The following ZCCHC7 variants were observed in gnomAD, a reference collection of about 807,000 sequenced individuals.
ZCCHC7 encodes the protein zinc finger CCHC-type containing 7.
ZCCHC7 carries 35 observed loss-of-function variants against 52.0 expected under a neutral mutation model. That is an observed-to-expected ratio of 0.67 (90% CI 0.51 to 0.89). The LOEUF (loss-of-function observed/expected upper bound fraction) is 0.89. Ranked by LOEUF, ZCCHC7 falls within the 40% of genes least tolerant of loss-of-function variation. The probability of loss-of-function intolerance (pLI) is 0.00; values close to 1 mark genes in which losing one functional copy is unlikely to be tolerated. For missense variants in ZCCHC7, 574 were observed against 649.1 expected (o/e 0.88, Z 1.26); for synonymous variants, 217 against 221.5 (o/e 0.98, Z 0.18).
intron 2 of ZCCHC7, among the ~76,000 whole-genome samples, chr9:37,174,569 G>T (rs912220361): frequency 2.0e-5 from 3 of 152,124 alleles, no homozygotes; most frequent in African/African-American, 7.2e-5. Flanking sequence ...ATAGAAAATA[G>T]AAGTTGTTCA....
At chr9:37,140,493 T>C (rs748259932) in intron 2 of ZCCHC7, among the ~76,000 whole-genome samples, 10 of 152,024 alleles carry the variant, frequency 6.6e-5, no homozygotes, top group Non-Finnish European at 1.2e-4. Flanking sequence ...ATTCAAAATA[T>C]TCAATTTAAA....
intron 5 of ZCCHC7, among the ~76,000 whole-genome samples, chr9:37,316,317 C>A (rs915277834): frequency 6.6e-6 from 1 of 150,822 alleles, no homozygotes; most frequent in African/African-American, 2.4e-5. Flanking sequence ...ACCTCAGCCT[C>A]CCAAAGCGCT....
chr9:37,280,480 T>G (rs1827900835), intron 2 of ZCCHC7, among the ~76,000 whole-genome samples: 1 of 152,160 alleles, frequency 6.6e-6, no homozygotes, highest in South Asian at 2.1e-4. Flanking sequence ...ACCATATATA[T>G]GGTGGACCAT....
intron 2 of ZCCHC7, among the ~76,000 whole-genome samples, chr9:37,154,069 T>G (rs1174768099): frequency 6.6e-6 from 1 of 152,002 alleles, no homozygotes; most frequent in African/African-American, 2.4e-5. Context: ...TTTTGATTTT[T>G]TGTAGAGATG....
intron 2 of ZCCHC7, among the ~76,000 whole-genome samples, chr9:37,190,764 A>T (rs1822974196): frequency 6.6e-6 from 1 of 152,224 alleles, no homozygotes; most frequent in African/African-American, 2.4e-5. Flanking sequence ...ACGCCTGTAA[A>T]TCCCAGCACT....
chr9:37,250,679 AGACTTTT>A (rs1484639907), intron 2 of ZCCHC7, among the ~76,000 whole-genome samples: 1 of 152,124 alleles, frequency 6.6e-6, no homozygotes, highest in East Asian at 1.9e-4. Context: ...GTTTTACTTT[AGACTTTT>A]AAGTAGCTCA....
intron 2 of ZCCHC7, among the ~76,000 whole-genome samples, chr9:37,245,806 G>C (rs1337401389): frequency 6.6e-6 from 1 of 151,980 alleles, no homozygotes; most frequent in Non-Finnish European, 1.5e-5. Flanking sequence ...GGAAGAGAGA[G>C]AGTGTTGTTG....
chr9:37,153,377 G>A lies in ZCCHC7; in HGVS notation c.610+26435G>A, dbSNP rs534572293. On this transcript the variant is annotated intron_variant, in intron 2 of 8. Coordinates refer to ENST00000336755, the MANE Select transcript of ZCCHC7 (RefSeq NM_032226.3). ...GTAGACACAGGGTTTCACCATGTTG[G>A]CCAGGCTGGTCTCGAACTCCCAACC... Among the ~76,000 whole-genome samples, 6 of 152,048 alleles carry A rather than the reference G, an allele frequency of 3.9e-5. No homozygotes were observed. In the East Asian group the frequency reaches 7.7e-4, roughly 20 times the overall value.
intron 2 of ZCCHC7, among the ~76,000 whole-genome samples, chr9:37,139,920 T>C (rs1011684045): frequency 5.9e-5 from 9 of 151,982 alleles, no homozygotes; most frequent in African/African-American, 1.9e-4. Flanking sequence ...TTCAATACTT[T>C]TTCTATATTG....
At chr9:37,349,252 T>C (rs73452635) in intron 6 of ZCCHC7, 105 bp from the exon 7 acceptor site, 7 of 1,141,900 alleles carry the variant, frequency 6.1e-6, no homozygotes, top group Non-Finnish European at 8.8e-6. Flanking sequence ...TACAAAACTC[T>C]AAGAAACTTC....
intron 5 of ZCCHC7, among the ~76,000 whole-genome samples, chr9:37,317,070 A>C (rs1829856181): frequency 2.0e-5 from 3 of 152,202 alleles, no homozygotes; most frequent in Admixed American, 2.0e-4. Flanking sequence ...ACTGCTGAGC[A>C]AAATGATGAA....
intron 2 of ZCCHC7, among the ~76,000 whole-genome samples, chr9:37,258,405 G>T (rs1826695468): frequency 6.6e-6 from 1 of 152,144 alleles, no homozygotes; most frequent in East Asian, 1.9e-4. Context: ...TATCAAAGGA[G>T]ATCTGATAAG....
chr9:37,320,278 A>G (rs1829998537), intron 5 of ZCCHC7, among the ~76,000 whole-genome samples: 1 of 151,930 alleles, frequency 6.6e-6, no homozygotes, highest in Non-Finnish European at 1.5e-5. Flanking sequence ...GGGTTTCACC[A>G]TGTTGGCCAG....
chr9:37,222,805 T>G (rs755055668), intron 2 of ZCCHC7, among the ~76,000 whole-genome samples: 3 of 152,140 alleles, frequency 2.0e-5, no homozygotes, highest in Non-Finnish European at 4.4e-5. Flanking sequence ...TAAAGTACCC[T>G]TAATCTAATT....
At chr9:37,222,803 C>G (rs1234459942) in intron 2 of ZCCHC7, among the ~76,000 whole-genome samples, 1 of 151,858 alleles carries the variant, frequency 6.6e-6, no homozygotes, top group Non-Finnish European at 1.5e-5. Flanking sequence ...TATAAAGTAC[C>G]CTTAATCTAA....
intron 2 of ZCCHC7, among the ~76,000 whole-genome samples, chr9:37,240,712 G>C (rs1190638366): frequency 1.3e-5 from 2 of 151,838 alleles, no homozygotes; most frequent in Admixed American, 1.3e-4. Context: ...AGAAGCAGCA[G>C]GAGTAGCAAA....
chr9:37,202,014 T>C (rs554585318), intron 2 of ZCCHC7, among the ~76,000 whole-genome samples: 85 of 152,314 alleles, frequency 5.6e-4, no homozygotes, highest in Middle Eastern at 3.4e-3. Context: ...TTCACAAGTG[T>C]TTCTTGAATC....
intron 2 of ZCCHC7, among the ~76,000 whole-genome samples, chr9:37,278,906 A>G (rs1402666739): frequency 6.6e-6 from 1 of 152,226 alleles, no homozygotes; most frequent in Non-Finnish European, 1.5e-5. Context: ...AGAAAGGACC[A>G]GATGCGGTAG....
chr9:37,142,063 AGTT>A (rs1220225519), intron 2 of ZCCHC7, among the ~76,000 whole-genome samples: 2 of 151,804 alleles, frequency 1.3e-5, no homozygotes, highest in Non-Finnish European at 1.5e-5. Context: ...TCTGTTTTAC[AGTT>A]GTTTTGTGAG....
Sources: allele counts gnomAD v4.1 joint callset (sites outside exome capture counted in the v4.1 genomes callset), GRCh38; gene constraint gnomAD v4.1.1; transcripts MANE v1.5; gene names NCBI Gene and HGNC (gene_info 2026-07-23, HGNC 2026-07-21).